PTPRK: variants seen among roughly 807,000 people sequenced by gnomAD.
PTPRK encodes the protein protein tyrosine phosphatase receptor type K.
Under a neutral mutation model 178.0 loss-of-function variants are expected in PTPRK, and 75 were observed. The ratio of observed to expected loss-of-function variants is 0.42; its 90% CI spans 0.35 to 0.51. The LOEUF (loss-of-function observed/expected upper bound fraction) is 0.51. Ranked by LOEUF, PTPRK falls within the 20% of genes least tolerant of loss-of-function variation. PTPRK has a pLI of 0.02. For missense variants in PTPRK, 1,441 were observed against 1,797.8 expected (o/e 0.80, Z 3.59); for synonymous variants, 637 against 620.6 (o/e 1.03, Z -0.39).
At chr6:128,064,284 A>T (rs970777574) in intron 13 of PTPRK, among the ~76,000 whole-genome samples, 4 of 152,170 alleles carry the variant, frequency 2.6e-5, no homozygotes, top group South Asian at 2.1e-4. Flanking sequence ...AATAAGTTTT[A>T]AAAAAAGTAA....
chr6:128,414,807 G>A (rs940248125), intron 1 of PTPRK, among the ~76,000 whole-genome samples: 2 of 151,970 alleles, frequency 1.3e-5, no homozygotes, highest in African/African-American at 2.4e-5. Context: ...AAGTGTTTAA[G>A]TTTTATATTA....
chr6:128,054,353 G>A (rs1182052448), intron 13 of PTPRK, among the ~76,000 whole-genome samples: 1 of 152,154 alleles, frequency 6.6e-6, no homozygotes, highest in Admixed American at 6.5e-5. Context: ...AAGCAATTAT[G>A]AGTAATAGTA....
chr6:128,099,734 G>C (rs1446806344), intron 7 of PTPRK, among the ~76,000 whole-genome samples: 1 of 152,042 alleles, frequency 6.6e-6, no homozygotes, highest in East Asian at 1.9e-4. Context: ...GACAGATAAG[G>C]ACTGCAGGGT....
chr6:128,458,416 A>G (rs1007892034), intron 1 of PTPRK, among the ~76,000 whole-genome samples: 7 of 152,216 alleles, frequency 4.6e-5, no homozygotes, highest in Admixed American at 1.3e-4. Context: ...TAAATACAGA[A>G]TATATGGAAG....
intron 13 of PTPRK, among the ~76,000 whole-genome samples, chr6:128,042,203 CA>C (rs1322783666): frequency 1.3e-5 from 2 of 151,990 alleles, no homozygotes; most frequent in African/African-American, 4.8e-5. Flanking sequence ...TGTCCGATTC[CA>C]AAGTCATTTT....
chr6:128,155,081 C>T (rs2114578785), intron 7 of PTPRK, among the ~76,000 whole-genome samples: 1 of 151,808 alleles, frequency 6.6e-6, no homozygotes, highest in Admixed American at 6.6e-5. Flanking sequence ...TACATCCTAG[C>T]AATATTTATA....
At chr6:128,045,393 C>A (rs1191557005) in intron 13 of PTPRK, among the ~76,000 whole-genome samples, 2 of 151,696 alleles carry the variant, frequency 1.3e-5, no homozygotes, top group Non-Finnish European at 2.9e-5. Context: ...CTTTTTAAAC[C>A]TATTTTTCTC....
rs748212883 is a variant in PTPRK at position 128,082,516 on chromosome 6, C to G, written c.1698G>C (p.Thr566=). The part of the protein sequence containing the change: ...HVFMHLHPGT[T]YQFFIRASTV... ...TGCTGGCTCTTATGAAAAACTGGTACGTGGTTCCAGGGTGGAGATGCATAA... is the reference window on the plus strand; with the variant it reads ...TGCTGGCTCTTATGAAAAACTGGTAGGTGGTTCCAGGGTGGAGATGCATAA... Residue 566 remains threonine, a synonymous_variant, in exon 10 of 30, where the codon ACG becomes ACC. Transcript: ENST00000368226. The G allele has an allele frequency of 2.5e-6, 4 of 1,613,378 alleles. No individual in the cohort carries two copies. The highest frequency in any genetic ancestry group is 3.4e-6 in the Non-Finnish European group (4 of 1,179,536).
At chr6:128,290,463 C>T (rs1238196001) in intron 3 of PTPRK, among the ~76,000 whole-genome samples, 1 of 152,028 alleles carries the variant, frequency 6.6e-6, no homozygotes, top group Non-Finnish European at 1.5e-5. Context: ...GTTAAAAATG[C>T]AAATTCTCAG....
At chr6:128,204,402 C>A (rs1413922268) in intron 6 of PTPRK, among the ~76,000 whole-genome samples, 1 of 152,084 alleles carries the variant, frequency 6.6e-6, no homozygotes, top group Non-Finnish European at 1.5e-5. Context: ...GAAATCTCAA[C>A]AAAAGCAAAA....
At chr6:128,472,724 T>C in intron 1 of PTPRK, 1 of 338,008 alleles carries the variant, frequency 3.0e-6, no homozygotes, top group South Asian at 2.5e-5. Context: ...CAATATTCTC[T>C]TATATAATCA....
At chr6:128,014,184 TG>T (rs1779349386) in intron 13 of PTPRK, among the ~76,000 whole-genome samples, 2 of 151,770 alleles carry the variant, frequency 1.3e-5, no homozygotes, top group Middle Eastern at 3.4e-3. Context: ...CTTACTGTTG[TG>T]GACATTAACA....
chr6:128,228,412 C>T (rs575203564), intron 5 of PTPRK, among the ~76,000 whole-genome samples: 3 of 149,672 alleles, frequency 2.0e-5, no homozygotes, highest in South Asian at 2.1e-4. Context: ...TTTGGGAGGC[C>T]GAGGCAGGTT....
At chr6:128,341,968 T>TAC (rs1831720593) in intron 2 of PTPRK, among the ~76,000 whole-genome samples, 1 of 152,148 alleles carries the variant, frequency 6.6e-6, no homozygotes, top group Non-Finnish European at 1.5e-5. Flanking sequence ...AGAAGGTATA[T>TAC]ACGGCCAGTC....
At chr6:128,460,981 C>A (rs575141229) in intron 1 of PTPRK, among the ~76,000 whole-genome samples, 11 of 151,832 alleles carry the variant, frequency 7.2e-5, no homozygotes, top group Admixed American at 7.2e-4. Context: ...CTAAGATATT[C>A]CAGTTTACAG....
At chr6:128,453,512 T>C (rs1314021760) in intron 1 of PTPRK, among the ~76,000 whole-genome samples, 1 of 152,192 alleles carries the variant, frequency 6.6e-6, no homozygotes, top group African/African-American at 2.4e-5. Flanking sequence ...GAACAAATGT[T>C]AACATTATTT....
chr6:128,019,163 A>G (rs1015392598), intron 13 of PTPRK, among the ~76,000 whole-genome samples: 1 of 152,208 alleles, frequency 6.6e-6, no homozygotes. Context: ...GTTTTCAAAT[A>G]AAGAAAGACA....
chr6:128,286,024 C>G (rs1484069864), intron 3 of PTPRK, among the ~76,000 whole-genome samples: 1 of 152,070 alleles, frequency 6.6e-6, no homozygotes, highest in Non-Finnish European at 1.5e-5. Flanking sequence ...GACCCAGAAT[C>G]ACCTACTTTT....
At chr6:128,267,255 A>G (rs1172808746) in intron 3 of PTPRK, among the ~76,000 whole-genome samples, 2 of 152,100 alleles carry the variant, frequency 1.3e-5, no homozygotes, top group African/African-American at 4.8e-5. Context: ...CAACCAATTT[A>G]CCAAGAAGAG....
Sources: allele counts gnomAD v4.1 joint callset (sites outside exome capture counted in the v4.1 genomes callset), GRCh38; gene constraint gnomAD v4.1.1; transcripts MANE v1.5; gene names NCBI Gene and HGNC (gene_info 2026-07-23, HGNC 2026-07-21).